The following GRIK2 variants were observed in gnomAD, a reference collection of about 807,000 sequenced individuals.
The protein encoded by GRIK2 is glutamate ionotropic receptor kainate type subunit 2.
Under a neutral mutation model 100.3 loss-of-function variants are expected in GRIK2, and 32 were observed. The ratio of observed to expected loss-of-function variants is 0.32; its 90% CI spans 0.24 to 0.43. The LOEUF (loss-of-function observed/expected upper bound fraction) is 0.43, where lower values mean the gene tolerates loss of function less well. GRIK2 is among the 20% of genes least tolerant of loss of function. The pLI is 1.00. For missense variants in GRIK2, 843 were observed against 1,114.9 expected (o/e 0.76, Z 3.47); for synonymous variants, 417 against 389.4 (o/e 1.07, Z -0.83).
chr6:101,442,441 C>A (rs12211524), intron 2 of GRIK2, among the ~76,000 whole-genome samples: 52,499 of 151,756 alleles, frequency 0.35, 9,354 homozygotes, highest in Middle Eastern at 0.39. Flanking sequence ...GTCAGTGCGC[C>A]GGCTGGTTGG....
intron 2 of GRIK2, among the ~76,000 whole-genome samples, chr6:101,528,973 G>A (rs1351501966): frequency 1.3e-5 from 2 of 149,174 alleles, no homozygotes; most frequent in Non-Finnish European, 3.0e-5. Flanking sequence ...TTATGGCTTA[G>A]CCTATGAATA....
intron 14 of GRIK2, among the ~76,000 whole-genome samples, chr6:101,939,604 A>T (rs867055726): frequency 6.6e-6 from 1 of 152,166 alleles, no homozygotes; most frequent in Non-Finnish European, 1.5e-5. Context: ...AAGATAAAGT[A>T]CATCAGGAAT....
At chr6:101,883,314 A>AATT (rs1786392149) in intron 11 of GRIK2, among the ~76,000 whole-genome samples, 1 of 148,964 alleles carries the variant, frequency 6.7e-6, no homozygotes, top group Non-Finnish European at 1.5e-5. Flanking sequence ...TAATAATAAT[A>AATT]ATAATAATAT....
intron 11 of GRIK2, among the ~76,000 whole-genome samples, chr6:101,882,631 A>G (rs994936968): frequency 4.6e-5 from 7 of 151,990 alleles, no homozygotes; most frequent in South Asian, 2.1e-4. Context: ...TTATAACTCA[A>G]TTGCCCACTT....
At chr6:101,629,128 T>A (rs765736483) in intron 4 of GRIK2, among the ~76,000 whole-genome samples, 4 of 152,136 alleles carry the variant, frequency 2.6e-5, no homozygotes, top group Non-Finnish European at 4.4e-5. Context: ...ATTATATACA[T>A]TTAATGGAGT....
intron 7 of GRIK2, among the ~76,000 whole-genome samples, chr6:101,730,380 G>A (rs1330111698): frequency 6.6e-6 from 1 of 151,914 alleles, no homozygotes; most frequent in Non-Finnish European, 1.5e-5. Context: ...AAGACAGCCA[G>A]GGGATAGCCT....
At chr6:101,476,194 G>T (rs1262120053) in intron 2 of GRIK2, among the ~76,000 whole-genome samples, 2 of 152,046 alleles carry the variant, frequency 1.3e-5, no homozygotes, top group African/African-American at 4.8e-5. Context: ...CAGCTACTGT[G>T]TGTTCTCTAG....
chr6:101,826,304 C>A (rs1782325340), intron 10 of GRIK2, among the ~76,000 whole-genome samples: 1 of 151,922 alleles, frequency 6.6e-6, no homozygotes, highest in Non-Finnish European at 1.5e-5. Context: ...AAAGAGATGG[C>A]AACATTAAAA....
chr6:101,892,996 T>C (rs991339498), intron 12 of GRIK2, among the ~76,000 whole-genome samples: 2 of 151,406 alleles, frequency 1.3e-5, no homozygotes, highest in Admixed American at 1.3e-4. Context: ...ATTGAACTTT[T>C]ACTATAAAAG....
intron 2 of GRIK2, among the ~76,000 whole-genome samples, chr6:101,438,555 A>G (rs1166953915): frequency 6.6e-6 from 1 of 152,130 alleles, no homozygotes; most frequent in Admixed American, 6.6e-5. Flanking sequence ...GTCCTTTAGA[A>G]AGACCAAAAT....
chr6:101,601,591 T>C (rs1410269841), intron 2 of GRIK2, among the ~76,000 whole-genome samples: 1 of 151,918 alleles, frequency 6.6e-6, no homozygotes, highest in Non-Finnish European at 1.5e-5. Flanking sequence ...TAGTTTTTGT[T>C]ACTGATTCAA....
intron 2 of GRIK2, among the ~76,000 whole-genome samples, chr6:101,494,763 G>A (rs1350281037): frequency 4.0e-5 from 6 of 150,324 alleles, no homozygotes; most frequent in African/African-American, 9.7e-5. Flanking sequence ...AAACCCTGTC[G>A]CTACTAAAAA....
chr6:101,821,153 T>C (rs893276832), intron 10 of GRIK2, among the ~76,000 whole-genome samples: 1 of 152,214 alleles, frequency 6.6e-6, no homozygotes. Flanking sequence ...GTGCAGGTTA[T>C]TAAAATTATC....
At chr6:101,681,092 A>G (rs1320904060) in intron 5 of GRIK2, among the ~76,000 whole-genome samples, 2 of 152,278 alleles carry the variant, frequency 1.3e-5, no homozygotes, top group East Asian at 1.9e-4. Context: ...ATGCTGATTT[A>G]TGAGCATGAT....
chr6:101,703,214 A>C (rs751127823), intron 7 of GRIK2, among the ~76,000 whole-genome samples: 1 of 151,902 alleles, frequency 6.6e-6, no homozygotes, highest in South Asian at 2.1e-4. Flanking sequence ...ATTTACAGCT[A>C]AGAAACTGGT....
intron 12 of GRIK2, among the ~76,000 whole-genome samples, chr6:101,910,162 A>G (rs923819799): frequency 7.3e-5 from 11 of 151,180 alleles, no homozygotes; most frequent in Non-Finnish European, 1.0e-4. Flanking sequence ...ATATGTTTCT[A>G]AATTAAAAAT....
intron 14 of GRIK2, among the ~76,000 whole-genome samples, chr6:102,008,305 C>A: frequency 6.6e-6 from 1 of 151,872 alleles, no homozygotes; most frequent in Non-Finnish European, 1.5e-5. Context: ...CATGACCAGG[C>A]AACAGAACAG....
At chr6:101,441,192 G>A (rs971599191) in intron 2 of GRIK2, among the ~76,000 whole-genome samples, 1 of 152,014 alleles carries the variant, frequency 6.6e-6, no homozygotes, top group South Asian at 2.1e-4. Context: ...CTTTCCAAAA[G>A]CCAGTAACCC....
chr6:101,996,441 T>C (rs1020616334), intron 14 of GRIK2, among the ~76,000 whole-genome samples: 3 of 152,064 alleles, frequency 2.0e-5, no homozygotes, highest in Non-Finnish European at 4.4e-5. Flanking sequence ...TATTCATTAA[T>C]TACTTTTACA....
Sources: allele counts gnomAD v4.1 joint callset (sites outside exome capture counted in the v4.1 genomes callset), GRCh38; gene constraint gnomAD v4.1.1; transcripts MANE v1.5; gene names NCBI Gene and HGNC (gene_info 2026-07-23, HGNC 2026-07-21).